Variants in GIPR observed in about 807,000 individuals in gnomAD.
GIPR encodes the protein gastric inhibitory polypeptide receptor.
A neutral mutation model predicts 62.2 loss-of-function variants in GIPR; 74 were observed. The observed-to-expected ratio is 1.19, with a 90% CI of 0.99 to 1.44. The LOEUF (loss-of-function observed/expected upper bound fraction) is 1.44. Ranked by LOEUF, GIPR falls within the 40% of genes most tolerant of loss-of-function variation. The probability of loss-of-function intolerance (pLI) is 0.00; values close to 1 mark genes in which losing one functional copy is unlikely to be tolerated. For synonymous variants in GIPR, 256 were observed against 262.2 expected, an observed-to-expected ratio of 0.98 and a Z score of 0.23; for missense variants, 664 against 611.8, an observed-to-expected ratio of 1.09 and a Z score of -0.90.
At chr19:45,668,640 T>C (rs1303725520) in intron 1 of GIPR, among the ~76,000 whole-genome samples, 1 of 152,152 alleles carries the variant, frequency 6.6e-6, no homozygotes, top group Non-Finnish European at 1.5e-5. Flanking sequence ...AGTCTTTACA[T>C]TTCTGTCTCT....
chr19:45,675,132 G>A (rs1042219156), intron 7 of GIPR: 4 of 377,826 alleles, frequency 1.1e-5, no homozygotes, highest in Middle Eastern at 3.7e-4. Flanking sequence ...CCTGCTGGCG[G>A]TGAGGCATGG....
At chr19:45,674,020 G>C in intron 5 of GIPR, 54 bp from the exon 6 acceptor site, 1 of 1,002,946 alleles carries the variant, frequency 1.0e-6, no homozygotes, top group Non-Finnish European at 1.6e-6. Flanking sequence ...GTCTCTCTCT[G>C]GGCCTGGGGC....
At chr19:45,670,167 AC>A (rs1975460825) in intron 2 of GIPR, 1 of 154,738 alleles carries the variant, frequency 6.5e-6, no homozygotes, top group Non-Finnish European at 1.4e-5. Flanking sequence ...AGTAGCTGGG[AC>A]TACAGGCGCA....
In GIPR at chr19:45,677,703, T is replaced by TC; in HGVS notation, c.855-3dup. ...TCTATCTCTTAGCTCTACTCCGCCT[T>TC]CCCCAGGTGCTGGGAGCGCAACGAA... On this transcript the variant is annotated splice_region_variant and splice_polypyrimidine_tract_variant and intron_variant, in intron 9 of 13. Transcript: ENST00000590918. 1 of 1,609,882 alleles carries TC rather than the reference T, an allele frequency of 6.2e-7. No homozygotes were observed. Among genetic ancestry groups the TC allele is most frequent in the South Asian group, 1.1e-5 (1 of 91,000 alleles).
rs1342003668 is a variant in GIPR at position 45,674,129 on chromosome 19, T to C, written c.440T>C (p.Leu147Pro). The change falls in exon 6 of 14, where the codon CTG becomes CCG. Residue 147 changes from leucine (L) to proline (P), a missense_variant. Physicochemically the swap from Leu to Pro is moderately conservative, Grantham distance 98 (BLOSUM62 -3). Transcript: ENST00000590918. ...LQVMYTVGYS[L>P]SLATLLLALL... ...GTCATGTACACTGTCGGCTACTCCC[T>C]GTCTCTCGCCACACTGCTGCTAGCC... 4 of 1,613,720 alleles carry C rather than the reference T, an allele frequency of 2.5e-6. No homozygotes were observed. The Admixed American group carries it at 6.7e-5, about 27-fold the overall frequency.
At position 45,682,025 on chromosome 19, in the gene GIPR, G is replaced by A; in HGVS notation, c.*90G>A. ...CCAGTACGGAGGACGCTGGGGAAAT[G>A]GTGAAGGAAACAGAAAAAAGGTCCC... On this transcript the variant is annotated 3_prime_UTR_variant, in exon 14 of 14. Transcript: ENST00000590918. 1 of 1,161,274 alleles carries A rather than the reference G, an allele frequency of 8.6e-7. No individual in the cohort carries two copies. The highest frequency in any genetic ancestry group is 2.1e-5 in the Admixed American group (1 of 48,602). The allele number at this position is 1,161,274 out of a possible 1,614,324, so 71.9% of individuals were successfully genotyped here.
At chr19:45,677,291 G>A in intron 8 of GIPR, 32 bp from the exon 9 acceptor site, 1 of 1,471,760 alleles carries the variant, frequency 6.8e-7, no homozygotes, top group East Asian at 2.4e-5. Context: ...CAGCTGCGGC[G>A]GGGTGGGGGG....
intron 5 of GIPR, 24 bp downstream of exon 5, chr19:45,672,978 G>A: frequency 1.5e-6 from 2 of 1,341,734 alleles, no homozygotes; most frequent in Middle Eastern, 1.8e-4. Flanking sequence ...AGGGCTTCAG[G>A]TTAGGAGTCC....
At position 45,677,242 on chromosome 19, in the gene GIPR, C is replaced by T. The variant is rs532722102; in HGVS notation, c.794-81C>T. 871 of 1,374,196 alleles carry T rather than the reference C, an allele frequency of 6.3e-4. 12 individuals are homozygous for T. Among genetic ancestry groups the T allele is most frequent in the Non-Finnish European group, 1.9e-4 (188 of 993,888 alleles). 85.1% of individuals were successfully genotyped at this position (1,374,196 alleles called of 1,614,324 possible). A position where few individuals can be genotyped will look rare whatever the true frequency, so the allele number is the denominator to read the frequency against. On this transcript the variant is annotated intron_variant, in intron 8 of 13. Transcript: ENST00000590918. Reference sequence around the variant, plus strand: ...CTTCCCCACCCCGACAGAGGAATTCCGCGGGTCTTGGGCCTGGCGGGGCCC... The same window carrying T: ...CTTCCCCACCCCGACAGAGGAATTCTGCGGGTCTTGGGCCTGGCGGGGCCC...
Position 45,670,746 on chromosome 19 carries a change from A to C in GIPR, c.172+12A>C, listed in dbSNP as rs527824031. The C allele has an allele frequency of 2.1e-6, 3 of 1,398,700 alleles. No individual in the cohort carries two copies. The highest frequency in any genetic ancestry group is 2.6e-5 in the East Asian group (1 of 38,210). The allele number at this position is 1,398,700 out of a possible 1,614,324, so 86.6% of individuals were successfully genotyped here. On this transcript the variant is annotated intron_variant, in intron 3 of 13. Transcript: ENST00000590918. The stretch of plus-strand genomic sequence containing the variant: ...GGAACCGCCTTCAGGTGTGACCAGG[A>C]GGGCTGGGGACGCGGGGAGGACCTG...
intron 13 of GIPR, 31 bp from the exon 14 acceptor site, chr19:45,681,698 G>A: frequency 6.2e-7 from 1 of 1,611,172 alleles, no homozygotes; most frequent in Admixed American, 1.7e-5. Context: ...CGCGGGGTAC[G>A]GCGCCGCCTC....
In GIPR at chr19:45,677,758, C is replaced by A. The variant is rs1226012904; in HGVS notation, c.903C>A (p.Thr301=). 2 of 1,613,136 alleles carry A rather than the reference C, an allele frequency of 1.2e-6. No homozygotes were observed. ...AGGCCATTTGGTGGATTATACGGAC[C>A]CCCATCCTCATGACCATCTTGGTAG... is the stretch of plus-strand genomic sequence containing the variant. ...EVKAIWWIIR[T]PILMTILINF... Residue 301 remains threonine (T), a synonymous_variant, in exon 10 of 14, where the codon ACC becomes ACA. Coordinates refer to ENST00000590918, the MANE Select transcript of GIPR (RefSeq NM_000164.4).
chr19:45,677,045 C>T lies in GIPR; in HGVS notation c.730C>T (p.Leu244Phe), dbSNP rs1348050540. ...GGTGGAGGGCGTCTACCTGCACAGTCTCCTGGTGCTCGTGGGAGGCTCCGA... is the reference window on the plus strand; with the variant it reads ...GGTGGAGGGCGTCTACCTGCACAGTTTCCTGGTGCTCGTGGGAGGCTCCGA... ...LLVEGVYLHS[L>F]LVLVGGSEEG... The change falls in exon 8 of 14, where the codon CTC (leucine) becomes TTC (phenylalanine). Residue 244 changes from leucine to phenylalanine, a missense_variant. Leu to Phe is a conservative substitution (Grantham distance 22). Transcript: ENST00000590918. 6.2e-7 allele frequency: 1 copy of T among 1,613,742 alleles called. No individual in the cohort carries two copies.
At chr19:45,674,429 G>A (rs1212129121) in intron 6 of GIPR, 2 of 629,716 alleles carry the variant, frequency 3.2e-6, no homozygotes, top group Admixed American at 2.5e-5. Context: ...GCAATATAGT[G>A]AAACCTTGTC....
Position 45,670,732 on chromosome 19 carries a change from C to T in GIPR, c.170C>T (p.Ser57Leu). ...ACCTTGGCAGCCGCGGAACCGCCTTCAGGTGTGACCAGGAGGGCTGGGGAC... is the reference window on the plus strand; with the variant it reads ...ACCTTGGCAGCCGCGGAACCGCCTTTAGGTGTGACCAGGAGGGCTGGGGAC... ...QETLAAAEPP[S>L]GLACNGSFDM... Residue 57 changes from serine to leucine, a missense_variant and splice_region_variant, in exon 3 of 14, where the codon TCA (serine) becomes TTA (leucine). By Grantham distance (145) the Ser-to-Leu change is moderately radical. Transcript: ENST00000590918. The T allele has an allele frequency of 6.3e-7, 1 of 1,590,384 alleles. No homozygotes were observed. Among genetic ancestry groups the T allele is most frequent in the Non-Finnish European group, 8.6e-7 (1 of 1,164,964 alleles).
At chr19:45,674,383 G>T in intron 6 of GIPR, 1 of 661,646 alleles carries the variant, frequency 1.5e-6, no homozygotes, top group Non-Finnish European at 2.7e-6. Context: ...CAAGGCAGGA[G>T]GATCGCTTGA....
intron 1 of GIPR, among the ~76,000 whole-genome samples, chr19:45,668,838 G>A (rs903748074): frequency 1.3e-5 from 2 of 152,230 alleles, no homozygotes; most frequent in Admixed American, 1.3e-4. Flanking sequence ...TGGATGCTGG[G>A]AAAGGGTTGT....
chr19:45,677,223 C>T, intron 8 of GIPR, 100 bp from the exon 9 acceptor site: 1 of 1,382,924 alleles, frequency 7.2e-7, no homozygotes, highest in Non-Finnish European at 1.0e-6. Context: ...CTGCCTTCCC[C>T]ACCCCGACAG....
intron 13 of GIPR, 30 bp downstream of exon 13, chr19:45,681,675 C>T: frequency 6.2e-7 from 1 of 1,611,940 alleles, no homozygotes; most frequent in Non-Finnish European, 8.5e-7. Flanking sequence ...CCGCCCCCGC[C>T]CTCTGGCGGC....
Sources: gnomAD v4.1 joint callset for allele counts (sites outside exome capture counted in the v4.1 genomes callset) on GRCh38, gnomAD v4.1.1 for gene constraint, MANE v1.5 for transcripts, NCBI Gene and HGNC (gene_info 2026-07-23, HGNC 2026-07-21) for gene names.